The following GLDN variants were observed in gnomAD, a reference collection of about 807,000 sequenced individuals.
GLDN encodes the protein collomin.
GLDN carries 47 observed loss-of-function variants against 56.5 expected under a neutral mutation model. The observed-to-expected ratio is 0.83, with a 90% CI of 0.66 to 1.06. The LOEUF (loss-of-function observed/expected upper bound fraction) is 1.06. Among genes scored for constraint, GLDN ranks in the 50% least tolerant of loss-of-function variants. The pLI, the probability that GLDN is intolerant of heterozygous loss-of-function variation, is 0.00. For synonymous variants in GLDN, 332 were observed against 278.8 expected, an observed-to-expected ratio of 1.19 and a Z score of -1.90; for missense variants, 782 against 714.3, an observed-to-expected ratio of 1.09 and a Z score of -1.08.
intron 4 of GLDN, among the ~76,000 whole-genome samples, chr15:51,391,669 G>A (rs184182490): frequency 9.5e-4 from 144 of 152,354 alleles, no homozygotes; most frequent in Middle Eastern, 3.4e-3. Context: ...CTGAGGGCCC[G>A]GAGGAGTCAA....
intron 1 of GLDN, among the ~76,000 whole-genome samples, chr15:51,372,046 T>C (rs1358077203): frequency 6.6e-6 from 1 of 152,202 alleles, no homozygotes; most frequent in Non-Finnish European, 1.5e-5. Flanking sequence ...CTGCATCTCG[T>C]GACAGCCTTC....
intron 1 of GLDN, among the ~76,000 whole-genome samples, chr15:51,376,718 T>C (rs2037638878): frequency 6.6e-6 from 1 of 152,240 alleles, no homozygotes; most frequent in Non-Finnish European, 1.5e-5. Flanking sequence ...ATTTGGTGTT[T>C]TTTGTTTGTT....
chr15:51,393,917 C>T (rs2038071802), intron 4 of GLDN, among the ~76,000 whole-genome samples: 1 of 152,334 alleles, frequency 6.6e-6, no homozygotes, highest in African/African-American at 2.4e-5. Context: ...TGTTCACCAT[C>T]CCTATTAATG....
chr15:51,409,978 C>T (rs1003174641), downstream of GLDN, among the ~76,000 whole-genome samples: 1 of 152,190 alleles, frequency 6.6e-6, no homozygotes, highest in Non-Finnish European at 1.5e-5. Flanking sequence ...TTCCATCACT[C>T]GGTAATGCCC....
intron 9 of GLDN, among the ~76,000 whole-genome samples, chr15:51,402,018 C>A (rs974837367): frequency 6.6e-6 from 1 of 152,206 alleles, no homozygotes; most frequent in African/African-American, 2.4e-5. Flanking sequence ...GTGGTGACGG[C>A]CGCAGCTTCC....
At chr15:51,357,424 C>T (rs1442051853) in intron 1 of GLDN, among the ~76,000 whole-genome samples, 1 of 152,204 alleles carries the variant, frequency 6.6e-6, no homozygotes, top group African/African-American at 2.4e-5. Flanking sequence ...ACCCCTTTCA[C>T]TTGCTATTCT....
downstream of GLDN, among the ~76,000 whole-genome samples, chr15:51,412,663 G>A (rs544689803): frequency 1.3e-5 from 2 of 152,132 alleles, no homozygotes; most frequent in South Asian, 4.2e-4. Flanking sequence ...TTTTTTGTAG[G>A]CAGCATATAG....
intron 4 of GLDN, among the ~76,000 whole-genome samples, chr15:51,387,469 C>T (rs776579338): frequency 6.6e-6 from 1 of 152,064 alleles, no homozygotes; most frequent in Non-Finnish European, 1.5e-5. Flanking sequence ...GAGGGCCTGG[C>T]GCACACAGAG....
rs757753338 is a variant in GLDN at position 51,383,927 on chromosome 15, T to C, written c.541+35T>C. On this transcript the variant is annotated intron_variant, in intron 4 of 9. Coordinates refer to ENST00000335449, the MANE Select transcript of GLDN (RefSeq NM_181789.4). ...GCAACTCTTCTAATTAATTTCCCTG[T>C]TATTTATCTCCATGATTGCATTTGG... 46 of 1,427,638 alleles carry C rather than the reference T, an allele frequency of 3.2e-5. 1 individual carries two copies. In the South Asian group the frequency reaches 5.4e-4, roughly 17 times the overall value. 88.4% of individuals were successfully genotyped at this position (1,427,638 alleles called of 1,614,324 possible). A position where few individuals can be genotyped will look rare whatever the true frequency, so the allele number is the denominator to read the frequency against.
rs1236420298 is a variant in GLDN at position 51,404,673 on chromosome 15, A to G, written c.1575A>G (p.Arg525=). ...TTGCCATGTTAGCATACAACATGAG[A>G]GATCAGCATTTATATTCATGGGAAG... is the stretch of plus-strand genomic sequence containing the variant. ...SVLAMLAYNM[R]DQHLYSWEDG... Residue 525 remains arginine, a synonymous_variant, in exon 10 of 10, where the codon AGA becomes AGG. Coordinates refer to ENST00000335449, the MANE Select transcript of GLDN (RefSeq NM_181789.4). 1.2e-6 allele frequency: 2 copies of G among 1,613,312 alleles called. No homozygotes were observed. Among genetic ancestry groups the G allele is most frequent in the Non-Finnish European group, 1.7e-6 (2 of 1,179,336 alleles).
chr15:51,387,541 A>C (rs1165001659), intron 4 of GLDN, among the ~76,000 whole-genome samples: 1 of 152,094 alleles, frequency 6.6e-6, no homozygotes, highest in African/African-American at 2.4e-5. Context: ...GAGCTTTTGG[A>C]TGAGCAGCCA....
intron 1 of GLDN, among the ~76,000 whole-genome samples, chr15:51,349,143 T>G (rs1056620568): frequency 6.6e-6 from 1 of 152,242 alleles, no homozygotes; most frequent in African/African-American, 2.4e-5. Flanking sequence ...TAACACATTA[T>G]TATAGCAAAC....
At chr15:51,378,896 CA>C (rs1158500534) in intron 2 of GLDN, among the ~76,000 whole-genome samples, 1 of 152,124 alleles carries the variant, frequency 6.6e-6, no homozygotes, top group African/African-American at 2.4e-5. Context: ...AGAGGGTGGA[CA>C]CAGAGCATTG....
chr15:51,381,190 G>C (rs530070121), intron 2 of GLDN, among the ~76,000 whole-genome samples: 4 of 152,318 alleles, frequency 2.6e-5, no homozygotes, highest in Non-Finnish European at 5.9e-5. Context: ...CTTCAGCCGG[G>C]AGCTCTCACC....
intron 9 of GLDN, 36 bp from the exon 10 acceptor site, chr15:51,404,241 G>T: frequency 6.7e-7 from 1 of 1,481,916 alleles, no homozygotes; most frequent in Non-Finnish European, 9.1e-7. Flanking sequence ...CAGAAACGGT[G>T]ATTCATGTCT....
chr15:51,411,576 T>A (rs1041490171), downstream of GLDN, among the ~76,000 whole-genome samples: 2 of 152,254 alleles, frequency 1.3e-5, no homozygotes, highest in African/African-American at 4.8e-5. Context: ...ACGGTCACTG[T>A]TGGAACTACT....
chr15:51,393,344 C>A (rs1566949405), intron 4 of GLDN, among the ~76,000 whole-genome samples: 1 of 152,170 alleles, frequency 6.6e-6, no homozygotes, highest in Non-Finnish European at 1.5e-5. Flanking sequence ...CCACCGCAGC[C>A]TTTAACCTGG....
intron 4 of GLDN, among the ~76,000 whole-genome samples, chr15:51,388,749 C>A (rs935444653): frequency 6.6e-6 from 1 of 152,228 alleles, no homozygotes; most frequent in East Asian, 1.9e-4. Context: ...AATTTGCGTG[C>A]TCAAGGGGCT....
chr15:51,365,247 T>G (rs1239763108), intron 1 of GLDN, among the ~76,000 whole-genome samples: 6 of 152,204 alleles, frequency 3.9e-5, no homozygotes, highest in African/African-American at 1.4e-4. Flanking sequence ...CATTTGTTAT[T>G]TAAATTTTTT....
Sources: gnomAD v4.1 joint callset for allele counts (sites outside exome capture counted in the v4.1 genomes callset) on GRCh38, gnomAD v4.1.1 for gene constraint, MANE v1.5 for transcripts, NCBI Gene and HGNC (gene_info 2026-07-23, HGNC 2026-07-21) for gene names.